DGKB: variants seen among roughly 807,000 people sequenced by gnomAD.
DGKB encodes the protein 90 kDa diacylglycerol kinase.
Under a neutral mutation model 114.3 loss-of-function variants are expected in DGKB, and 67 were observed. That is an observed-to-expected ratio of 0.59 (90% confidence interval 0.48 to 0.72). The LOEUF (loss-of-function observed/expected upper bound fraction) is 0.72. Ranked by LOEUF, DGKB falls within the 30% of genes least tolerant of loss-of-function variation. The pLI is 0.00. For missense variants in DGKB, 907 were observed against 975.2 expected (o/e 0.93, Z 0.93); for synonymous variants, 398 against 323.1 (o/e 1.23, Z -2.49).
intron 1 of DGKB, among the ~76,000 whole-genome samples, chr7:14,866,016 G>C (rs868787125): frequency 5.3e-5 from 8 of 152,120 alleles, no homozygotes; most frequent in Non-Finnish European, 7.4e-5. Flanking sequence ...TAATAGAAGG[G>C]AGATGAGAAG....
intron 1 of DGKB, among the ~76,000 whole-genome samples, chr7:14,934,674 C>A (rs201227112): frequency 1.3e-5 from 2 of 152,116 alleles, no homozygotes; most frequent in African/African-American, 2.4e-5. Context: ...CTACCTGACA[C>A]AATAAAATTT....
intron 1 of DGKB, among the ~76,000 whole-genome samples, chr7:14,956,890 A>C (rs574397857): frequency 6.6e-6 from 1 of 152,012 alleles, no homozygotes; most frequent in South Asian, 2.1e-4. Flanking sequence ...GTTAACATGA[A>C]GTTAAACATT....
chr7:14,366,259 T>A (rs1458095054), intron 21 of DGKB, among the ~76,000 whole-genome samples: 2 of 152,152 alleles, frequency 1.3e-5, no homozygotes, highest in Non-Finnish European at 2.9e-5. Flanking sequence ...AACAAAATAA[T>A]GAATCTTTTC....
At chr7:14,164,119 T>C (rs148567072) in intron 25 of DGKB, among the ~76,000 whole-genome samples, 1 of 152,214 alleles carries the variant, frequency 6.6e-6, no homozygotes, top group African/African-American at 2.4e-5. Context: ...TTAGGCAAAA[T>C]GCAATTTCTA....
intron 4 of DGKB, 65 bp from the exon 5 acceptor site, chr7:14,736,259 T>A: frequency 1.9e-6 from 2 of 1,044,882 alleles, no homozygotes; most frequent in Non-Finnish European, 1.4e-6. Flanking sequence ...CTGTGCTGTG[T>A]TCAAAATCAT....
intron 23 of DGKB, among the ~76,000 whole-genome samples, chr7:14,325,078 C>A (rs2128545443): frequency 6.6e-6 from 1 of 152,284 alleles, no homozygotes; most frequent in East Asian, 1.9e-4. Flanking sequence ...TATTTTCACC[C>A]CAGCAGGCAG....
At chr7:14,822,477 T>C (rs2215434) in intron 2 of DGKB, among the ~76,000 whole-genome samples, 30,440 of 152,050 alleles carry the variant, frequency 0.2, 3,662 homozygotes, top group South Asian at 0.4. Flanking sequence ...AATGATTGGT[T>C]ACTAAGTCAA....
chr7:14,489,380 C>A (rs1407950672), intron 20 of DGKB, among the ~76,000 whole-genome samples: 1 of 152,050 alleles, frequency 6.6e-6, no homozygotes, highest in Non-Finnish European at 1.5e-5. Flanking sequence ...TTTCTGGAAA[C>A]CCTAAGTGTT....
At chr7:14,901,081 A>G (rs574925872) in intron 1 of DGKB, among the ~76,000 whole-genome samples, 1 of 152,188 alleles carries the variant, frequency 6.6e-6, no homozygotes, top group African/African-American at 2.4e-5. Flanking sequence ...GGTCACATGT[A>G]GACTTTATGC....
intron 13 of DGKB, among the ~76,000 whole-genome samples, chr7:14,651,118 A>G (rs1372722647): frequency 6.6e-5 from 10 of 152,126 alleles, no homozygotes; most frequent in Middle Eastern, 6.4e-3. Flanking sequence ...ATCAATAGAA[A>G]AAGAGGGAAT....
intron 1 of DGKB, among the ~76,000 whole-genome samples, chr7:14,884,469 G>A (rs914168483): frequency 6.6e-6 from 1 of 151,912 alleles, no homozygotes; most frequent in Non-Finnish European, 1.5e-5. Flanking sequence ...TACCTTGGAA[G>A]GTTTTCACAC....
intron 1 of DGKB, among the ~76,000 whole-genome samples, chr7:14,926,442 A>T (rs1587395483): frequency 6.8e-6 from 1 of 147,238 alleles, no homozygotes. Context: ...CTTTTTTTCC[A>T]CCTTTTGGAA....
intron 17 of DGKB, 47 bp from the exon 18 acceptor site, chr7:14,583,184 A>C (rs114194031): frequency 8.4e-7 from 1 of 1,190,276 alleles, no homozygotes; most frequent in Admixed American, 2.2e-5. Flanking sequence ...TTTAAAAATA[A>C]GATGTTTTCA....
chr7:14,387,095 T>C (rs1028899112), intron 21 of DGKB, among the ~76,000 whole-genome samples: 1 of 142,230 alleles, frequency 7.0e-6, no homozygotes, highest in African/African-American at 2.5e-5. Flanking sequence ...TTGTTTCTTT[T>C]GATTATTTAT....
At chr7:14,696,557 C>T (rs1044588669) in intron 8 of DGKB, among the ~76,000 whole-genome samples, 3 of 143,456 alleles carry the variant, frequency 2.1e-5, no homozygotes, top group African/African-American at 7.5e-5. Context: ...AAAAACAAAT[C>T]CCCCTCCCAC....
chr7:14,481,570 A>C (rs937529100), intron 20 of DGKB, among the ~76,000 whole-genome samples: 4 of 151,950 alleles, frequency 2.6e-5, no homozygotes, highest in Non-Finnish European at 5.9e-5. Context: ...CACCACATTA[A>C]ATATCTTTTC....
intron 13 of DGKB, among the ~76,000 whole-genome samples, chr7:14,637,679 A>G (rs1394954666): frequency 1.3e-5 from 2 of 151,778 alleles, no homozygotes; most frequent in East Asian, 1.9e-4. Context: ...ATAATATTCT[A>G]TTCAGACACT....
chr7:14,173,903 A>C (rs180860994), intron 25 of DGKB, among the ~76,000 whole-genome samples: 1 of 152,320 alleles, frequency 6.6e-6, no homozygotes, highest in African/African-American at 2.4e-5. Flanking sequence ...TATAAGTTAC[A>C]TAAAATTTTT....
At chr7:14,637,774 CT>C (rs1811023968) in intron 13 of DGKB, among the ~76,000 whole-genome samples, 2 of 151,676 alleles carry the variant, frequency 1.3e-5, no homozygotes, top group South Asian at 4.2e-4. Flanking sequence ...CAAAGGTTTG[CT>C]TTATTCTTAA....
Sources: allele counts gnomAD v4.1 joint callset (sites outside exome capture counted in the v4.1 genomes callset), GRCh38; gene constraint gnomAD v4.1.1; transcripts MANE v1.5; gene names NCBI Gene and HGNC (gene_info 2026-07-23, HGNC 2026-07-21).